Variants in PCDHGA4 observed in about 807,000 individuals in gnomAD.
PCDHGA4 encodes protocadherin gamma subfamily A, 4, also known as protocadherin gamma-A4.
PCDHGA4 carries 38 observed loss-of-function variants against 54.6 expected under a neutral mutation model. That is an observed-to-expected ratio of 0.70 (90% CI 0.54 to 0.91). The LOEUF (loss-of-function observed/expected upper bound fraction) is 0.91, where lower values mean the gene tolerates loss of function less well. PCDHGA4 is among the 40% of genes least tolerant of loss of function. The probability of loss-of-function intolerance (pLI) is 0.00; values close to 1 mark genes in which losing one functional copy is unlikely to be tolerated. For missense variants in PCDHGA4, 1,298 were observed against 1,220.9 expected (o/e 1.06, Z -0.94); for synonymous variants, 511 against 512.9 (o/e 1.00, Z 0.05).
rs72790062 is a variant in PCDHGA4, at chr5:141,476,031, C to A, written c.2515-18776C>A. On this transcript the variant is annotated intron_variant, in intron 1 of 3. Coordinates refer to ENST00000571252, the MANE Select transcript of PCDHGA4 (RefSeq NM_018917.4). The surrounding 1 kb of genome is among the most constrained non-coding windows in gnomAD (Gnocchi z 7.6). Reference sequence around the variant, plus strand: ...AAGCCATGTCGGACTCGGCGCCCAGCGCCCAAGCGCTAACCCGCTGAAAGT... The same window carrying A: ...AAGCCATGTCGGACTCGGCGCCCAGAGCCCAAGCGCTAACCCGCTGAAAGT... 6.9e-6 allele frequency: 10 copies of A among 1,457,214 alleles called. No homozygotes were observed. The highest frequency in any genetic ancestry group is 9.1e-6 in the Non-Finnish European group (10 of 1,094,860). 90.3% of individuals were successfully genotyped at this position (1,457,214 alleles called of 1,614,324 possible).
chr5:141,366,765 T>G (rs373961637), intron 1 of PCDHGA4: 1 of 1,604,708 alleles, frequency 6.2e-7, no homozygotes, highest in East Asian at 2.2e-5. Flanking sequence ...AGTTTTCTCT[T>G]TCGGTAAGGA....
At chr5:141,434,453 T>C (rs1172243323) in intron 1 of PCDHGA4, among the ~76,000 whole-genome samples, 1 of 152,226 alleles carries the variant, frequency 6.6e-6, no homozygotes, top group Non-Finnish European at 1.5e-5. Context: ...TGGAAGGTAG[T>C]GGGTTTACCG....
intron 2 of PCDHGA4, among the ~76,000 whole-genome samples, chr5:141,496,391 A>G (rs1473991011): frequency 1.3e-5 from 2 of 151,930 alleles, no homozygotes; most frequent in Admixed American, 6.6e-5. Flanking sequence ...ACCTTACCCT[A>G]CCTCCTCAAT....
intron 1 of PCDHGA4, chr5:141,416,205 A>T (rs1239154825): frequency 1.3e-5 from 2 of 152,458 alleles, no homozygotes; most frequent in Non-Finnish European, 2.9e-5. Context: ...CAATTTATTT[A>T]TAACAATGTA....
intron 1 of PCDHGA4, chr5:141,394,099 C>T: frequency 1.2e-6 from 2 of 1,613,930 alleles, no homozygotes; most frequent in South Asian, 1.1e-5. Context: ...GATCTAGGAA[C>T]ACCACCTCTG....
At chr5:141,492,487 C>G (rs1031047955) in intron 1 of PCDHGA4, among the ~76,000 whole-genome samples, 1 of 152,222 alleles carries the variant, frequency 6.6e-6, no homozygotes, top group Non-Finnish European at 1.5e-5. Flanking sequence ...CGCCCAGGAC[C>G]AGGCGAGGAC....
chr5:141,385,979 A>T (rs1561609878), intron 1 of PCDHGA4: 1 of 152,222 alleles, frequency 6.6e-6, no homozygotes, highest in South Asian at 2.1e-4. Flanking sequence ...AAAACCAATA[A>T]AATATGTCAA....
chr5:141,431,622 C>T lies in PCDHGA4; in HGVS notation c.2515-63185C>T, dbSNP rs761448407. 3 of 1,614,070 alleles carry T rather than the reference C, an allele frequency of 1.9e-6. No individual in the cohort carries two copies. The African/African-American group carries it at 4.0e-5, about 22-fold the overall frequency. ...TCCTTCCGGTATGTGGACGACAAGGCGGCCCAAGTTTTCAAACTAGATTGT... is the reference window on the plus strand; with the variant it reads ...TCCTTCCGGTATGTGGACGACAAGGTGGCCCAAGTTTTCAAACTAGATTGT... On this transcript the variant is annotated intron_variant, in intron 1 of 3. Transcript: ENST00000571252. The surrounding 1 kb of genome is among the most constrained non-coding windows in gnomAD (Gnocchi z 4.8).
At chr5:141,418,000 G>T in intron 1 of PCDHGA4, 1 of 1,613,902 alleles carries the variant, frequency 6.2e-7, no homozygotes, top group Non-Finnish European at 8.5e-7. Context: ...GCTCGGTGGT[G>T]GGGAACCTCG....
intron 2 of PCDHGA4, among the ~76,000 whole-genome samples, chr5:141,502,537 G>A (rs900570745): frequency 2.0e-5 from 3 of 152,042 alleles, no homozygotes; most frequent in Admixed American, 6.6e-5. Context: ...GTTTGTTCGT[G>A]TGGTAAAAAC....
At chr5:141,410,393 C>G in intron 1 of PCDHGA4, 3 of 1,614,046 alleles carry the variant, frequency 1.9e-6, no homozygotes, top group Non-Finnish European at 2.5e-6. Flanking sequence ...CCATCCTGGT[C>G]TCTGTGTCAA....
At chr5:141,382,161 G>A (rs539029748) in intron 1 of PCDHGA4, among the ~76,000 whole-genome samples, 2 of 151,904 alleles carry the variant, frequency 1.3e-5, no homozygotes, top group Admixed American at 6.6e-5. Flanking sequence ...TAAAATGAAG[G>A]TGTTAGACCG....
At chr5:141,409,398 A>C in intron 1 of PCDHGA4, 1 of 1,614,050 alleles carries the variant, frequency 6.2e-7, no homozygotes, top group Non-Finnish European at 8.5e-7. Flanking sequence ...TCTTCTTCCA[A>C]TAACTACTAC....
intron 1 of PCDHGA4, among the ~76,000 whole-genome samples, chr5:141,459,534 T>G (rs980917458): frequency 1.3e-5 from 2 of 151,990 alleles, no homozygotes; most frequent in African/African-American, 2.4e-5. Flanking sequence ...TGTAGGCATA[T>G]TTTTTTTATT....
At chr5:141,446,231 C>T (rs1412899811) in intron 1 of PCDHGA4, among the ~76,000 whole-genome samples, 2 of 152,176 alleles carry the variant, frequency 1.3e-5, no homozygotes, top group African/African-American at 2.4e-5. Flanking sequence ...TGTTGCCTGG[C>T]AAGTGGTAGA....
At chr5:141,405,054 C>T (rs773491411) in intron 1 of PCDHGA4, 7 of 1,613,806 alleles carry the variant, frequency 4.3e-6, no homozygotes, top group Admixed American at 1.7e-5. Flanking sequence ...GCAGTCGTCT[C>T]CTGTGTCTTC....
intron 1 of PCDHGA4, chr5:141,366,052 C>T: frequency 6.2e-7 from 1 of 1,614,248 alleles, no homozygotes; most frequent in Non-Finnish European, 8.5e-7. Context: ...GTTCCACGGG[C>T]GTGGAGCTGG....
Position 141,477,393 on chromosome 5 carries a change from G to A in PCDHGA4, c.2515-17414G>A, listed in dbSNP as rs1397453429. On this transcript the variant is annotated intron_variant, in intron 1 of 3. Transcript: ENST00000571252. This position sits in a 1 kb window ranked among gnomAD's most constrained non-coding sequence, Gnocchi z 4.9. The stretch of plus-strand genomic sequence containing the variant: ...GAGACTGTGCCAGAATACAACCTCA[G>A]CATCACCGCCCGAGACGCCGGAACC... The A allele has an allele frequency of 5.6e-6, 9 of 1,614,098 alleles. No individual in the cohort carries two copies. Among genetic ancestry groups the A allele is most frequent in the Non-Finnish European group, 7.6e-6 (9 of 1,180,028 alleles).
rs1330659052 is a variant in PCDHGA4, at chr5:141,490,012, G to T, written c.2515-4795G>T. On this transcript the variant is annotated intron_variant, in intron 1 of 3. Transcript: ENST00000571252. The surrounding 1 kb of genome is among the most constrained non-coding windows in gnomAD (Gnocchi z 5.4). ...GGGAATCCCAGAGAATGCACCCATT[G>T]GTACTCTGCTGCTCCGCCTCAATGC... The T allele has an allele frequency of 1.2e-6, 2 of 1,614,232 alleles. No homozygotes were observed. Among genetic ancestry groups the T allele is most frequent in the East Asian group, 4.5e-5 (2 of 44,888 alleles).
Sources: allele counts gnomAD v4.1 joint callset (sites outside exome capture counted in the v4.1 genomes callset), GRCh38; gene constraint gnomAD v4.1.1; non-coding constraint Gnocchi (gnomAD v3.1); transcripts MANE v1.5; gene names NCBI Gene and HGNC (gene_info 2026-07-23, HGNC 2026-07-21).